Variants in CFAP99 observed in about 807,000 individuals in gnomAD.
The protein encoded by CFAP99 is cilia- and flagella-associated protein 99.
CFAP99 carries 84 observed loss-of-function variants against 82.7 expected under a neutral mutation model. The ratio of observed to expected loss-of-function variants is 1.02; its 90% CI spans 0.85 to 1.22. CFAP99 has a LOEUF of 1.22. Ranked by LOEUF, CFAP99 falls within the 50% of genes most tolerant of loss-of-function variation. The probability of loss-of-function intolerance (pLI) is 0.00; values close to 1 mark genes in which losing one functional copy is unlikely to be tolerated. For missense variants in CFAP99, 1,059 were observed against 983.5 expected (o/e 1.08, Z -1.03); for synonymous variants, 456 against 429.5 (o/e 1.06, Z -0.76).
chr4:2,451,280 T>C, exon 10 of CFAP99: 2 of 1,535,962 alleles, frequency 1.3e-6, no homozygotes, highest in Non-Finnish European at 1.7e-6. Flanking sequence ...AACATCCTGG[T>C]CAAGCTGAAC....
intron 8 of CFAP99, 74 bp from the exon 9 acceptor site, chr4:2,450,873 T>A: frequency 2.3e-6 from 3 of 1,290,178 alleles, no homozygotes; most frequent in Non-Finnish European, 3.2e-6. Flanking sequence ...TGGGCCAGCA[T>A]CCACCTGGTA....
chr4:2,459,352 A>T (rs1734521928), intron 13 of CFAP99, 94 bp downstream of exon 13: 2 of 1,384,250 alleles, frequency 1.4e-6, no homozygotes, highest in Non-Finnish European at 1.9e-6. Context: ...CCAGAGCCAC[A>T]GGTGGGTCTT....
At chr4:2,436,105 A>G (rs1230786018) in intron 2 of CFAP99, among the ~76,000 whole-genome samples, 1 of 144,928 alleles carries the variant, frequency 6.9e-6, no homozygotes, top group Non-Finnish European at 1.5e-5. Flanking sequence ...ATCTATATAT[A>G]TGTATATATA....
intron 2 of CFAP99, chr4:2,428,819 TCCTC>T (rs141022766): frequency 0.044 from 6,705 of 153,086 alleles, 508 homozygotes; most frequent in African/African-American, 0.15. Flanking sequence ...CAGCTCCTGC[TCCTC>T]CCTCCATCCT....
At chr4:2,459,133 G>A (rs1560390845) in exon 13 of CFAP99, 1 of 1,532,008 alleles carries the variant, frequency 6.5e-7, no homozygotes, top group Non-Finnish European at 8.7e-7. Flanking sequence ...GGAGAGCAGG[G>A]GGCTGCTGCA....
intron 2 of CFAP99, among the ~76,000 whole-genome samples, chr4:2,431,368 C>CAAAAA (rs11375526): frequency 2.8e-5 from 4 of 145,430 alleles, no homozygotes; most frequent in African/African-American, 1.0e-4. Context: ...GACTCTGTCT[C>CAAAAA]AAAAAAAAAA....
At chr4:2,455,709 C>T (rs760394362) in intron 11 of CFAP99, among the ~76,000 whole-genome samples, 4 of 152,080 alleles carry the variant, frequency 2.6e-5, no homozygotes, top group Non-Finnish European at 5.9e-5. Flanking sequence ...GAAAATGCCG[C>T]TCTCCTCACA....
chr4:2,426,833 G>A, intron 2 of CFAP99: 1 of 498,710 alleles, frequency 2.0e-6, no homozygotes. Context: ...CCACACTGCG[G>A]TTCCATCCTC....
At position 2,462,878 on chromosome 4, in the gene CFAP99, G is replaced by C; in HGVS notation, c.2097G>C (p.Gln699His). Residue 699 changes from glutamine (Q) to histidine (H), a missense_variant, in exon 15 of 15, where the codon CAG (glutamine) becomes CAC (histidine). By Grantham distance (24) the Gln-to-His change is conservative. Transcript: ENST00000635017. This position sits in a 1 kb window ranked among gnomAD's most constrained non-coding sequence, Gnocchi z 4.1. ...GCGAGCGCAGGCTGCAGGCGCTGCA[G>C]CAGGGAGGCTCAGGACCCGGGCCCG... is the stretch of plus-strand genomic sequence containing the variant. 1.4e-6 allele frequency: 2 copies of C among 1,385,562 alleles called. No homozygotes were observed. The highest frequency in any genetic ancestry group is 1.6e-5 in the South Asian group (1 of 63,646). The allele number at this position is 1,385,562 out of a possible 1,614,324, so 85.8% of individuals were successfully genotyped here. A position where few individuals can be genotyped will look rare whatever the true frequency, so the allele number is the denominator to read the frequency against.
At chr4:2,450,984 G>C (rs781551306) in exon 9 of CFAP99, 3 of 1,535,882 alleles carry the variant, frequency 2.0e-6, no homozygotes, top group Non-Finnish European at 2.6e-6. Context: ...TTCCCACCCC[G>C]AATCCGAAAG....
chr4:2,460,319 T>C lies in CFAP99; in HGVS notation c.1661+77T>C, dbSNP rs956331940. 2.2e-6 allele frequency: 3 copies of C among 1,354,594 alleles called. No individual in the cohort carries two copies. In the African/African-American group the frequency reaches 4.3e-5, roughly 20 times the overall value. The allele number at this position is 1,354,594 out of a possible 1,614,324, so 83.9% of individuals were successfully genotyped here. On this transcript the variant is annotated intron_variant, in intron 14 of 14. Coordinates refer to ENST00000635017, the Ensembl canonical transcript of CFAP99. ...TAAGCCTGCCTTGCACCCTCCTGGG[T>C]GGGTCTCCTAGAAACAACCACCACC...
In CFAP99 at chr4:2,448,464, T is replaced by C. The variant is rs1184174307; in HGVS notation, c.643-1206T>C. Among the ~76,000 whole-genome samples the C allele has an allele frequency of 6.6e-6, 1 of 152,216 alleles. No homozygotes were observed. The highest frequency in any genetic ancestry group is 1.5e-5 in the Non-Finnish European group (1 of 68,018). ...CCCCATGCCTAAGACATCCTTCTGC[T>C]TCAGGGTTGAGGGCCCACTGTAATT... On this transcript the variant is annotated intron_variant, in intron 6 of 14. Coordinates refer to ENST00000635017, the Ensembl canonical transcript of CFAP99. This position sits in a 1 kb window ranked among gnomAD's most constrained non-coding sequence, Gnocchi z 5.2.
exon 14 of CFAP99, chr4:2,460,057 A>C: frequency 6.5e-7 from 1 of 1,535,966 alleles, no homozygotes; most frequent in Non-Finnish European, 8.7e-7. Context: ...ACGGCCTGGA[A>C]GGAGAGATGT....
At chr4:2,459,324 C>T in intron 13 of CFAP99, 66 bp downstream of exon 13, 2 of 1,455,680 alleles carry the variant, frequency 1.4e-6, no homozygotes, top group Non-Finnish European at 1.8e-6. Flanking sequence ...CCATGAGAGG[C>T]AGTTTCCAGG....
intron 6 of CFAP99, 85 bp downstream of exon 6, chr4:2,445,393 G>A: frequency 8.5e-7 from 1 of 1,181,290 alleles, no homozygotes; most frequent in Non-Finnish European, 1.1e-6. Context: ...GGCCTGTGGG[G>A]GACTGGGCTC....
chr4:2,451,423 G>C, intron 10 of CFAP99, 71 bp downstream of exon 10: 1 of 1,460,878 alleles, frequency 6.8e-7, no homozygotes, highest in Non-Finnish European at 9.2e-7. Context: ...CAGAGGAGGG[G>C]CCTGGGGGCT....
intron 10 of CFAP99, among the ~76,000 whole-genome samples, chr4:2,451,636 AC>A (rs1203911454): frequency 6.6e-6 from 1 of 151,968 alleles, no homozygotes; most frequent in Non-Finnish European, 1.5e-5. Context: ...TCCTCCCTGG[AC>A]CCCTTCCTGA....
At chr4:2,456,162 G>GT (rs1282318314) in intron 11 of CFAP99, among the ~76,000 whole-genome samples, 7 of 151,960 alleles carry the variant, frequency 4.6e-5, no homozygotes, top group African/African-American at 1.7e-4. Context: ...GTGCTTTTCT[G>GT]TTTTTTTCAA....
chr4:2,458,658 G>C (rs1325754933), intron 11 of CFAP99, 65 bp from the exon 12 acceptor site: 5 of 1,491,876 alleles, frequency 3.4e-6, no homozygotes, highest in Non-Finnish European at 4.5e-6. Context: ...CCCTGGGCTG[G>C]GGCGGGACCA....
Sources: gnomAD v4.1 joint callset for allele counts (sites outside exome capture counted in the v4.1 genomes callset) on GRCh38, gnomAD v4.1.1 for gene constraint, Gnocchi (gnomAD v3.1) non-coding constraint, MANE v1.5 for transcripts, NCBI Gene and HGNC (gene_info 2026-07-23, HGNC 2026-07-21) for gene names.